The following SPTAN1 variants were observed in gnomAD, a reference collection of about 807,000 sequenced individuals.
The protein encoded by SPTAN1 is spectrin alpha chain, non-erythrocytic 1.
Under a neutral mutation model 331.3 loss-of-function variants are expected in SPTAN1, and 61 were observed. The ratio of observed to expected loss-of-function variants is 0.18; its 90% confidence interval spans 0.15 to 0.23. The LOEUF (loss-of-function observed/expected upper bound fraction) is 0.23. Among genes scored for constraint, SPTAN1 ranks in the 10% least tolerant of loss-of-function variants. SPTAN1 has a pLI of 1.00. For missense variants in SPTAN1, 2,043 were observed against 3,147.9 expected, an observed-to-expected ratio of 0.65 and a Z score of 8.40; for synonymous variants, 1,153 against 1,173.9, an observed-to-expected ratio of 0.98 and a Z score of 0.36.
At chr9:128,555,725 C>G (rs780225297) in intron 1 of SPTAN1, among the ~76,000 whole-genome samples, 6 of 143,554 alleles carry the variant, frequency 4.2e-5, no homozygotes, top group Non-Finnish European at 7.5e-5. Context: ...TGTTTGCTGA[C>G]TTTTTATTGG....
At chr9:128,557,471 A>G (rs1490268578) in intron 1 of SPTAN1, among the ~76,000 whole-genome samples, 1 of 152,130 alleles carries the variant, frequency 6.6e-6, no homozygotes, top group Non-Finnish European at 1.5e-5. Flanking sequence ...GTGTTGCTTA[A>G]CGCAGTGGGA....
At chr9:128,617,494 T>A in intron 41 of SPTAN1, 146 bp from the exon 42 acceptor site, 1 of 1,143,082 alleles carries the variant, frequency 8.7e-7, no homozygotes, top group African/African-American at 1.5e-5. Context: ...ATTTGGGAAG[T>A]AGAGGCTTTT....
chr9:128,555,366 C>T lies in SPTAN1; in HGVS notation c.-4+2670C>T, dbSNP rs1422066780. The stretch of plus-strand genomic sequence containing the variant: ...CTCTTTAGACTCCACATTCCTCCAT[C>T]ATGTTGTCATCGTTTCGTAAACGCA... On this transcript the variant is annotated intron_variant, in intron 1 of 56. Coordinates refer to ENST00000372739, the MANE Select transcript of SPTAN1 (RefSeq NM_001130438.3). 5.4e-6 allele frequency: 7 copies of T among 1,289,508 alleles called. No homozygotes were observed. The African/African-American group carries it at 6.1e-5, about 11-fold the overall frequency. The allele number at this position is 1,289,508 out of a possible 1,614,324, so 79.9% of individuals were successfully genotyped here.
At position 128,629,197 on chromosome 9, in the gene SPTAN1, CTTAT is replaced by C. The variant is rs1859270837; in HGVS notation, c.6708-1121_6708-1118del. On this transcript the variant is annotated intron_variant, in intron 51 of 56. Coordinates refer to ENST00000372739, the MANE Select transcript of SPTAN1 (RefSeq NM_001130438.3). The surrounding 1 kb of genome is among the most constrained non-coding windows in gnomAD (Gnocchi z 4.9). ...ATGATCTGTCTGGAAGGTTTTTCTC[CTTAT>C]TTCTCTTCTTACCTCACTGTGGCTT... The C allele has an allele frequency of 2.5e-6, 1 of 398,610 alleles. No homozygotes were observed. The highest frequency in any genetic ancestry group is 4.4e-6 in the Non-Finnish European group (1 of 226,126). The allele number at this position is 398,610 out of a possible 1,614,324, so 24.7% of individuals were successfully genotyped here. A position where few individuals can be genotyped will look rare whatever the true frequency, so the allele number is the denominator to read the frequency against.
chr9:128,626,257 G>A, intron 48 of SPTAN1, 134 bp from the exon 49 acceptor site: 1 of 1,155,566 alleles, frequency 8.7e-7, no homozygotes, highest in Non-Finnish European at 1.3e-6. Flanking sequence ...GGAGACAGGA[G>A]CAGAGGGGAG....
intron 31 of SPTAN1, 53 bp downstream of exon 31, chr9:128,605,530 G>T: frequency 6.2e-7 from 1 of 1,605,040 alleles, no homozygotes; most frequent in Non-Finnish European, 8.5e-7. Flanking sequence ...TCTTTGTAGG[G>T]GTCATTTTTA....
chr9:128,614,032 G>A (rs547129870), intron 40 of SPTAN1, among the ~76,000 whole-genome samples: 1 of 152,180 alleles, frequency 6.6e-6, no homozygotes, highest in African/African-American at 2.4e-5. Flanking sequence ...CTGAATTCAG[G>A]TTGTGGTGTT....
rs1386368562 is a variant in SPTAN1 at position 128,584,362 on chromosome 9, A to G, written c.2274A>G (p.Lys758=). Residue 758 remains lysine (K), a synonymous_variant, in exon 17 of 57, where the codon AAA becomes AAG. Transcript: ENST00000372739. ...TTGATGCAGAAAACATCAAGAAGAA[A>G]CAGGAAGCCCTCGTGGCTCGCTATG... is the stretch of plus-strand genomic sequence containing the variant. ...GHFDAENIKK[K]QEALVARYEA... 1 of 1,614,102 alleles carries G rather than the reference A, an allele frequency of 6.2e-7. No homozygotes were observed. Among genetic ancestry groups the G allele is most frequent in the Non-Finnish European group, 8.5e-7 (1 of 1,180,050 alleles).
chr9:128,581,819 A>G lies in SPTAN1; in HGVS notation c.1499A>G (p.Asp500Gly). ...LLNEDLGDSLDSVEALLKKHE... is the reference protein window; with the variant it reads ...LLNEDLGDSLGSVEALLKKHE... ...AATGAAGACTTGGGAGATTCCTTGG[A>G]TAGTGTGGAAGCGCTTCTTAAGAAG... The change falls in exon 12 of 57, where the codon GAT becomes GGT. Residue 500 changes from aspartate (D) to glycine (G), a missense_variant. Physicochemically the swap from Asp to Gly is moderately conservative, Grantham distance 94. Coordinates refer to ENST00000372739, the MANE Select transcript of SPTAN1 (RefSeq NM_001130438.3). The G allele has an allele frequency of 6.2e-7, 1 of 1,614,108 alleles. No homozygotes were observed. Among genetic ancestry groups the G allele is most frequent in the Non-Finnish European group, 8.5e-7 (1 of 1,179,988 alleles).
chr9:128,630,027 T>C, intron 51 of SPTAN1: 1 of 528,974 alleles, frequency 1.9e-6, no homozygotes, highest in South Asian at 1.6e-5. Flanking sequence ...CCTGCACCCA[T>C]GGGGGAATTT....
chr9:128,625,915 G>T lies in SPTAN1; in HGVS notation c.6216G>T (p.Gln2072His). 1 of 1,614,230 alleles carries T rather than the reference G, an allele frequency of 6.2e-7. No individual in the cohort carries two copies. Among genetic ancestry groups the T allele is most frequent in the Non-Finnish European group, 8.5e-7 (1 of 1,180,040 alleles). ...CCTCCCTCATGAAGAGGTGGAGCCAGCTTCTGGCCAACTCAGCCGCCCGCA... is the reference window on the plus strand; with the variant it reads ...CCTCCCTCATGAAGAGGTGGAGCCATCTTCTGGCCAACTCAGCCGCCCGCA... Reference protein sequence around the residue: ...RHASLMKRWSQLLANSAARKK... With the variant: ...RHASLMKRWSHLLANSAARKK... Residue 2072 changes from glutamine (Q) to histidine (H), a missense_variant, in exon 48 of 57, where the codon CAG (glutamine) becomes CAT (histidine). Coordinates refer to ENST00000372739, the MANE Select transcript of SPTAN1 (RefSeq NM_001130438.3). The surrounding 1 kb of genome is among the most constrained non-coding windows in gnomAD (Gnocchi z 4.1).
At chr9:128,562,400 C>G (rs908972680) in intron 1 of SPTAN1, among the ~76,000 whole-genome samples, 3 of 152,120 alleles carry the variant, frequency 2.0e-5, no homozygotes, top group African/African-American at 7.2e-5. Context: ...CGCGCCCAGC[C>G]GAGATCTGTA....
At chr9:128,560,554 T>C (rs1849197929) in intron 1 of SPTAN1, among the ~76,000 whole-genome samples, 1 of 151,938 alleles carries the variant, frequency 6.6e-6, no homozygotes, top group East Asian at 2.0e-4. Flanking sequence ...CTAATTTTGG[T>C]ATTTTTAGTA....
intron 26 of SPTAN1, 161 bp from the exon 27 acceptor site, chr9:128,599,919 G>T: frequency 1.3e-6 from 1 of 760,856 alleles, no homozygotes. Flanking sequence ...CAGCCTTGTA[G>T]TTTGTTACCA....
Position 128,573,473 on chromosome 9 carries a change from C to T in SPTAN1, c.364-1202C>T, listed in dbSNP as rs146011840. On this transcript the variant is annotated intron_variant, in intron 3 of 56. Coordinates refer to ENST00000372739, the MANE Select transcript of SPTAN1 (RefSeq NM_001130438.3). ...ATCTTTTCTACTTTTTTATTTTTCC[C>T]GAGATGGATTCTTGTTCTGTTGCCC... 2.9e-3 allele frequency among the ~76,000 whole-genome samples: 436 copies of T among 152,134 alleles called. 10 individuals carry two copies. The East Asian group carries it at 0.041, about 14-fold the overall frequency.
chr9:128,594,512 C>T (rs1853965773), intron 24 of SPTAN1, 139 bp downstream of exon 24: 2 of 803,112 alleles, frequency 2.5e-6, no homozygotes, highest in South Asian at 1.6e-5. Flanking sequence ...CTCACTGCAA[C>T]CTCTGCCTCC....
At chr9:128,564,005 GCTTACACCTGTAAT>G (rs1333709095) in intron 1 of SPTAN1, among the ~76,000 whole-genome samples, 1 of 152,110 alleles carries the variant, frequency 6.6e-6, no homozygotes, top group African/African-American at 2.4e-5. Flanking sequence ...GGACATGGTG[GCTTACACCTGTAAT>G]CTTAGCACTT....
At chr9:128,560,215 C>T (rs1466288332) in intron 1 of SPTAN1, among the ~76,000 whole-genome samples, 1 of 151,020 alleles carries the variant, frequency 6.6e-6, no homozygotes, top group Non-Finnish European at 1.5e-5. Context: ...TCCCAAGTAG[C>T]TGGGATTACA....
At chr9:128,601,130 T>C (rs994219865) in intron 27 of SPTAN1, among the ~76,000 whole-genome samples, 8 of 151,758 alleles carry the variant, frequency 5.3e-5, no homozygotes, top group African/African-American at 1.9e-4. Flanking sequence ...GTTACAGGCA[T>C]GCACCACCAT....
Sources: gnomAD v4.1 joint callset for allele counts (sites outside exome capture counted in the v4.1 genomes callset) on GRCh38, gnomAD v4.1.1 for gene constraint, Gnocchi (gnomAD v3.1) non-coding constraint, MANE v1.5 for transcripts, NCBI Gene and HGNC (gene_info 2026-07-23, HGNC 2026-07-21) for gene names.